Variants in PTPRT observed in about 807,000 individuals in gnomAD.
The protein encoded by PTPRT is protein tyrosine phosphatase receptor type T.
PTPRT carries 56 observed loss-of-function variants against 176.8 expected under a neutral mutation model. The observed-to-expected ratio is 0.32, with a 90% CI of 0.26 to 0.40. PTPRT has a LOEUF of 0.40. PTPRT is among the 10% of genes least tolerant of loss of function. The pLI is 1.00. For synonymous variants in PTPRT, 783 were observed against 739.0 expected (o/e 1.06, Z -0.96); for missense variants, 1,540 against 1,908.2 (o/e 0.81, Z 3.60).
At chr20:42,718,681 A>G (rs1422177609) in intron 6 of PTPRT, among the ~76,000 whole-genome samples, 2 of 152,220 alleles carry the variant, frequency 1.3e-5, no homozygotes, top group African/African-American at 2.4e-5. Flanking sequence ...AAATAATTCT[A>G]GTAGTCACAA....
intron 7 of PTPRT, among the ~76,000 whole-genome samples, chr20:42,669,250 T>G (rs1381646335): frequency 1.3e-5 from 2 of 152,118 alleles, no homozygotes; most frequent in Non-Finnish European, 2.9e-5. Flanking sequence ...TCAATCTAGG[T>G]TCACCTGCAC....
intron 9 of PTPRT, among the ~76,000 whole-genome samples, chr20:42,427,170 T>G (rs2145788898): frequency 6.6e-6 from 1 of 152,276 alleles, no homozygotes; most frequent in South Asian, 2.1e-4. Flanking sequence ...AATCCATCCC[T>G]CCTCTTCTCC....
chr20:42,622,334 T>C lies in PTPRT; in HGVS notation c.1153+55532A>G, dbSNP rs535891200. On this transcript the variant is annotated intron_variant, in intron 7 of 30. Transcript: ENST00000373187. Reference sequence around the variant, plus strand: ...TCGGCTCACTGCAAGCTCCACCTCCTGGGTTCATGCCATTCTCCTGCCTCA... The same window carrying C: ...TCGGCTCACTGCAAGCTCCACCTCCCGGGTTCATGCCATTCTCCTGCCTCA... Among the ~76,000 whole-genome samples, 12 of 152,070 alleles carry C rather than the reference T, an allele frequency of 7.9e-5. No homozygotes were observed. The South Asian group carries it at 1.5e-3, about 18-fold the overall frequency.
At chr20:42,858,451 G>A (rs1437051906) in intron 2 of PTPRT, among the ~76,000 whole-genome samples, 5 of 152,150 alleles carry the variant, frequency 3.3e-5, no homozygotes. Context: ...GCCAAAACTC[G>A]TATGTTGAAA....
chr20:42,390,141 A>G (rs1348762315), intron 9 of PTPRT, among the ~76,000 whole-genome samples: 1 of 152,210 alleles, frequency 6.6e-6, no homozygotes, highest in African/African-American at 2.4e-5. Flanking sequence ...CTCAGCAGCT[A>G]GTATAATACT....
At chr20:42,097,846 A>C (rs530049481) in intron 27 of PTPRT, among the ~76,000 whole-genome samples, 1 of 152,294 alleles carries the variant, frequency 6.6e-6, no homozygotes, top group Non-Finnish European at 1.5e-5. Context: ...CTGTGTCCTG[A>C]GTATGGGGAT....
intron 19 of PTPRT, among the ~76,000 whole-genome samples, chr20:42,126,025 T>TGGGGGGG (rs144977174): frequency 1.4e-4 from 6 of 41,658 alleles, no homozygotes; most frequent in Non-Finnish European, 2.8e-4. Flanking sequence ...TGTCTGGGAG[T>TGGGGGGG]GGGGGGGGGG....
chr20:42,334,979 G>A (rs568417641), intron 11 of PTPRT, among the ~76,000 whole-genome samples: 1 of 152,346 alleles, frequency 6.6e-6, no homozygotes, highest in South Asian at 2.1e-4. Context: ...AAGAGGACAG[G>A]AGAGGGGACA....
intron 1 of PTPRT, among the ~76,000 whole-genome samples, chr20:43,028,556 G>A (rs1986012993): frequency 6.6e-6 from 1 of 152,092 alleles, no homozygotes; most frequent in South Asian, 2.1e-4. Flanking sequence ...AAGCACTTTG[G>A]TCTTCTCCCC....
intron 1 of PTPRT, among the ~76,000 whole-genome samples, chr20:43,041,387 T>C (rs1986598602): frequency 6.6e-6 from 1 of 152,262 alleles, no homozygotes; most frequent in African/African-American, 2.4e-5. Flanking sequence ...TTTTTAAAAT[T>C]TATGAAGGTG....
intron 1 of PTPRT, among the ~76,000 whole-genome samples, chr20:42,954,885 A>G (rs1284844419): frequency 6.6e-6 from 1 of 151,594 alleles, no homozygotes; most frequent in East Asian, 1.9e-4. Context: ...GAGAGAAGGG[A>G]AAGGAGGAGG....
rs574755053 is a variant in PTPRT at position 43,061,373 on chromosome 20, A to G, written c.88+128273T>C. Among the ~76,000 whole-genome samples the G allele has an allele frequency of 2.6e-5, 4 of 152,326 alleles. No individual in the cohort carries two copies. In the South Asian group the frequency reaches 8.3e-4, roughly 32 times the overall value. ...GATGACATCTGCCCACTGCCTCCTTATAACAGAACTCAACGGTCTTGAGTA... is the reference window on the plus strand; with the variant it reads ...GATGACATCTGCCCACTGCCTCCTTGTAACAGAACTCAACGGTCTTGAGTA... On this transcript the variant is annotated intron_variant, in intron 1 of 30. Coordinates refer to ENST00000373187, the MANE Select transcript of PTPRT (RefSeq NM_007050.6).
At chr20:42,679,445 A>C (rs2075564996) in intron 6 of PTPRT, among the ~76,000 whole-genome samples, 1 of 152,186 alleles carries the variant, frequency 6.6e-6, no homozygotes, top group South Asian at 2.1e-4. Flanking sequence ...CTCATCTTTA[A>C]AAAAATCAAA....
chr20:42,608,454 C>G (rs918658182), intron 7 of PTPRT, among the ~76,000 whole-genome samples: 2 of 152,074 alleles, frequency 1.3e-5, no homozygotes, highest in African/African-American at 4.8e-5. Flanking sequence ...TGATTTGGGG[C>G]AGGGCAGGAG....
intron 9 of PTPRT, among the ~76,000 whole-genome samples, chr20:42,353,914 G>T (rs1037877052): frequency 6.6e-6 from 1 of 152,006 alleles, no homozygotes; most frequent in Non-Finnish European, 1.5e-5. Flanking sequence ...AAATTAGCTG[G>T]GTTGGTGGTA....
chr20:42,261,791 A>G (rs971248411), intron 13 of PTPRT, among the ~76,000 whole-genome samples: 2 of 152,194 alleles, frequency 1.3e-5, no homozygotes, highest in Admixed American at 6.5e-5. Flanking sequence ...AACTCTGGCC[A>G]AATTGATCCC....
intron 2 of PTPRT, among the ~76,000 whole-genome samples, chr20:42,823,543 TA>T (rs890483706): frequency 1.1e-4 from 16 of 151,166 alleles, no homozygotes; most frequent in South Asian, 4.2e-4. Context: ...AAAATGAAAT[TA>T]AAAAAAAAGT....
chr20:42,791,816 G>A (rs190041010), intron 2 of PTPRT, among the ~76,000 whole-genome samples: 3 of 152,216 alleles, frequency 2.0e-5, no homozygotes, highest in Non-Finnish European at 4.4e-5. Context: ...CTTGTAGGAC[G>A]AAGTGAGCCT....
chr20:42,690,347 C>G (rs2075772429), intron 6 of PTPRT, among the ~76,000 whole-genome samples: 1 of 151,960 alleles, frequency 6.6e-6, no homozygotes. Context: ...ACAGGGGGAC[C>G]AATAAGGAAG....
Sources: allele counts gnomAD v4.1 joint callset (sites outside exome capture counted in the v4.1 genomes callset), GRCh38; gene constraint gnomAD v4.1.1; transcripts MANE v1.5; gene names NCBI Gene and HGNC (gene_info 2026-07-23, HGNC 2026-07-21).